The following PARD3 variants were observed in gnomAD, a reference collection of about 807,000 sequenced individuals.
The protein encoded by PARD3 is partitioning defective 3 homolog.
PARD3 carries 75 observed loss-of-function variants against 155.4 expected under a neutral mutation model. That is an observed-to-expected ratio of 0.48 (90% CI 0.40 to 0.58). The LOEUF is 0.58. PARD3 is among the 20% of genes least tolerant of loss of function. The pLI is 0.00. For missense variants in PARD3, 1,642 were observed against 1,721.7 expected, an observed-to-expected ratio of 0.95 and a Z score of 0.82; for synonymous variants, 576 against 610.5, an observed-to-expected ratio of 0.94 and a Z score of 0.83.
intron 2 of PARD3, among the ~76,000 whole-genome samples, chr10:34,538,147 A>AAAAT (rs1256238667): frequency 3.3e-5 from 5 of 152,256 alleles, no homozygotes; most frequent in Admixed American, 6.5e-5. Flanking sequence ...CTCCGTCTCA[A>AAAAT]AAATAAATAA....
intron 22 of PARD3, among the ~76,000 whole-genome samples, chr10:34,176,127 A>G (rs921781315): frequency 6.6e-6 from 1 of 152,188 alleles, no homozygotes; most frequent in Non-Finnish European, 1.5e-5. Context: ...GTGTCAGTAT[A>G]AAAAAAGGAG....
intron 14 of PARD3, among the ~76,000 whole-genome samples, chr10:34,355,951 AC>A (rs1360857131): frequency 0.033 from 4,127 of 126,896 alleles, 273 homozygotes; most frequent in African/African-American, 0.14. Flanking sequence ...AAAAAACAAA[AC>A]AAAACCAAAC....
At chr10:34,496,057 C>T (rs1326043307) in intron 3 of PARD3, among the ~76,000 whole-genome samples, 2 of 151,722 alleles carry the variant, frequency 1.3e-5, no homozygotes, top group East Asian at 3.9e-4. Context: ...CAAATATTAG[C>T]TGGGCATGGT....
intron 19 of PARD3, among the ~76,000 whole-genome samples, chr10:34,321,262 T>G (rs949853563): frequency 6.6e-6 from 1 of 152,198 alleles, no homozygotes; most frequent in Non-Finnish European, 1.5e-5. Flanking sequence ...AGAAAAGTAC[T>G]AGTAATATAT....
chr10:34,665,874 A>ACAGAACAGAG (rs1458305211), intron 2 of PARD3, among the ~76,000 whole-genome samples: 1 of 150,436 alleles, frequency 6.6e-6, no homozygotes, highest in Non-Finnish European at 1.5e-5. Flanking sequence ...ACAGAACAGA[A>ACAGAACAGAG]CAGAACAGAA....
chr10:34,643,845 A>C (rs2092754766), intron 2 of PARD3, among the ~76,000 whole-genome samples: 1 of 152,202 alleles, frequency 6.6e-6, no homozygotes, highest in Admixed American at 6.5e-5. Context: ...TGAGCCCAGC[A>C]GGTGGAGGCT....
At chr10:34,532,137 C>T (rs144028962) in intron 2 of PARD3, among the ~76,000 whole-genome samples, 50 of 152,116 alleles carry the variant, frequency 3.3e-4, no homozygotes, top group Non-Finnish European at 4.7e-4. Flanking sequence ...TGTATATGGA[C>T]GTTTTGATAA....
At chr10:34,714,893 G>C (rs985251703) in intron 1 of PARD3, among the ~76,000 whole-genome samples, 1 of 151,000 alleles carries the variant, frequency 6.6e-6, no homozygotes, top group Non-Finnish European at 1.5e-5. Context: ...TCCTGCCTCA[G>C]CCTCCCGAAT....
intron 3 of PARD3, among the ~76,000 whole-genome samples, chr10:34,493,390 A>G (rs1414355553): frequency 6.6e-6 from 1 of 152,180 alleles, no homozygotes; most frequent in African/African-American, 2.4e-5. Context: ...GAGAATTATT[A>G]AATTTTCAGG....
In PARD3 at chr10:34,577,873, C is replaced by A. The variant is rs1237287028; in HGVS notation, c.223-60714G>T. Among the ~76,000 whole-genome samples the A allele has an allele frequency of 2.0e-5, 3 of 148,664 alleles. No individual in the cohort carries two copies. The South Asian group carries it at 6.4e-4, about 32-fold the overall frequency. ...AACTTTTTTTTTTTTTTTAAACAGA[C>A]AGGGGTCTCACTCTGTCAACCAAGC... On this transcript the variant is annotated intron_variant, in intron 2 of 24. Coordinates refer to ENST00000374788, the MANE Select transcript of PARD3 (RefSeq NM_001184785.2).
intron 22 of PARD3, among the ~76,000 whole-genome samples, chr10:34,224,720 G>A (rs1168138783): frequency 1.3e-5 from 2 of 152,192 alleles, no homozygotes; most frequent in East Asian, 1.9e-4. Flanking sequence ...GAATGACTGG[G>A]AGTAAATAGC....
At chr10:34,256,931 T>C (rs1402747607) in intron 22 of PARD3, among the ~76,000 whole-genome samples, 1 of 152,196 alleles carries the variant, frequency 6.6e-6, no homozygotes, top group Non-Finnish European at 1.5e-5. Context: ...AATTTTCACA[T>C]TTCTATGTAC....
At chr10:34,243,088 A>G (rs980396916) in intron 22 of PARD3, among the ~76,000 whole-genome samples, 5 of 152,254 alleles carry the variant, frequency 3.3e-5, no homozygotes, top group African/African-American at 1.2e-4. Context: ...TGTGTTACAC[A>G]CAGAACCAAT....
intron 22 of PARD3, among the ~76,000 whole-genome samples, chr10:34,266,593 G>A (rs922551593): frequency 6.6e-6 from 1 of 152,168 alleles, no homozygotes; most frequent in Admixed American, 6.5e-5. Context: ...TCGTAAGTCT[G>A]ACAGCTGCTG....
chr10:34,647,622 T>C (rs1414551367), intron 2 of PARD3, among the ~76,000 whole-genome samples: 1 of 152,238 alleles, frequency 6.6e-6, no homozygotes, highest in African/African-American at 2.4e-5. Context: ...CTTTTCTCGA[T>C]GCAGTCAATG....
chr10:34,539,667 A>G (rs1396456026), intron 2 of PARD3, among the ~76,000 whole-genome samples: 1 of 152,242 alleles, frequency 6.6e-6, no homozygotes, highest in African/African-American at 2.4e-5. Flanking sequence ...TCTCAAAAAG[A>G]AAGTAAAACT....
Position 34,777,677 on chromosome 10 carries a change from T to A in PARD3, c.120+37199A>T, listed in dbSNP as rs115905292. On this transcript the variant is annotated intron_variant, in intron 1 of 24. Coordinates refer to ENST00000374788, the MANE Select transcript of PARD3 (RefSeq NM_001184785.2). Reference sequence around the variant, plus strand: ...TCCTGAGTAGCTGGAACTACAGGCATGCACTACAACAGTCAGCTAATTTTT... The same window carrying A: ...TCCTGAGTAGCTGGAACTACAGGCAAGCACTACAACAGTCAGCTAATTTTT... Among the ~76,000 whole-genome samples the A allele has an allele frequency of 4.1e-3, 625 of 151,892 alleles. 3 individuals carry two copies. Among genetic ancestry groups the A allele is most frequent in the African/African-American group, 0.014 (598 of 41,320 alleles).
chr10:34,249,864 C>T (rs1311122022), intron 22 of PARD3, among the ~76,000 whole-genome samples: 1 of 152,166 alleles, frequency 6.6e-6, no homozygotes, highest in East Asian at 1.9e-4. Context: ...TACCTGAGTC[C>T]ACCAGGCACG....
intron 2 of PARD3, among the ~76,000 whole-genome samples, chr10:34,547,322 T>A (rs992277742): frequency 2.0e-5 from 3 of 152,250 alleles, no homozygotes; most frequent in Admixed American, 6.5e-5. Flanking sequence ...CAAAATCACA[T>A]GCATAGCATT....
Sources: gnomAD v4.1 joint callset for allele counts (sites outside exome capture counted in the v4.1 genomes callset) on GRCh38, gnomAD v4.1.1 for gene constraint, MANE v1.5 for transcripts, NCBI Gene and HGNC (gene_info 2026-07-23, HGNC 2026-07-21) for gene names.